Variants in MS4A10 observed in about 807,000 individuals in gnomAD.
MS4A10 encodes membrane-spanning 4-domains subfamily A member 10.
A neutral mutation model predicts 27.7 loss-of-function variants in MS4A10; 27 were observed. That is an observed-to-expected ratio of 0.98 (90% CI 0.72 to 1.35). MS4A10 has a LOEUF of 1.35. Among genes scored for constraint, MS4A10 ranks in the 40% most tolerant of loss-of-function variants. The probability of loss-of-function intolerance (pLI) is 0.00; values close to 1 mark genes in which losing one functional copy is unlikely to be tolerated. For synonymous variants in MS4A10, 139 were observed against 131.2 expected, an observed-to-expected ratio of 1.06 and a Z score of -0.41; for missense variants, 338 against 324.7, an observed-to-expected ratio of 1.04 and a Z score of -0.32.
rs1854605352 is a variant in MS4A10 at position 60,799,988 on chromosome 11, A to G, written c.*79A>G. ...CCAAAGTTGCACTTTCACTGGGAAG[A>G]TGAGATTTGCACATACAAAAGGCTA... On this transcript the variant is annotated 3_prime_UTR_variant, in exon 8 of 8. Transcript: ENST00000308287. 1 of 1,609,272 alleles carries G rather than the reference A, an allele frequency of 6.2e-7. No individual in the cohort carries two copies. Among genetic ancestry groups the G allele is most frequent in the East Asian group, 2.2e-5 (1 of 44,790 alleles).
intron 5 of MS4A10, among the ~76,000 whole-genome samples, chr11:60,794,882 A>G (rs1854498933): frequency 6.6e-6 from 1 of 152,008 alleles, no homozygotes; most frequent in Non-Finnish European, 1.5e-5. Flanking sequence ...ATGGGGTTTC[A>G]CCATGTCGGC....
chr11:60,796,161 C>T (rs1854527903), intron 6 of MS4A10, among the ~76,000 whole-genome samples: 1 of 151,446 alleles, frequency 6.6e-6, no homozygotes, highest in Non-Finnish European at 1.5e-5. Flanking sequence ...TAAGGAATTG[C>T]AGGGACTCTA....
At position 60,799,689 on chromosome 11, in the gene MS4A10, T is replaced by C. The variant is rs1319715482; in HGVS notation, c.723-139T>C. 4.7e-6 allele frequency: 3 copies of C among 641,038 alleles called. No individual in the cohort carries two copies. In the Admixed American group the frequency reaches 6.7e-5, roughly 14 times the overall value. 39.7% of individuals were successfully genotyped at this position (641,038 alleles called of 1,614,324 possible). ...ACCTGGATTCTCTTCCCCCAGGTAT[T>C]TGCAGAGCTCACTCTTTGAATCTTT... On this transcript the variant is annotated intron_variant, in intron 7 of 7. Transcript: ENST00000308287.
intron 6 of MS4A10, among the ~76,000 whole-genome samples, chr11:60,797,693 C>T (rs1003461708): frequency 6.6e-6 from 1 of 152,220 alleles, no homozygotes; most frequent in Non-Finnish European, 1.5e-5. Context: ...ACCTTAATTC[C>T]TCTCTGCCGT....
At chr11:60,787,399 C>T (rs781533666) in intron 1 of MS4A10, among the ~76,000 whole-genome samples, 5 of 152,152 alleles carry the variant, frequency 3.3e-5, no homozygotes, top group South Asian at 4.1e-4. Context: ...CTTGGAAAGG[C>T]GTACGAGAGA....
At position 60,786,779 on chromosome 11, in the gene MS4A10, A is replaced by G. The variant is rs1280999415; in HGVS notation, c.-23+1358A>G. 3.9e-5 allele frequency among the ~76,000 whole-genome samples: 6 copies of G among 152,120 alleles called. No homozygotes were observed. The East Asian group carries it at 1.2e-3, about 29-fold the overall frequency. On this transcript the variant is annotated intron_variant, in intron 1 of 7. Transcript: ENST00000308287. ...CAGGCCAGTGGCAACTGTGGCTGACATTTATTGCTATACGCCAGTCCCTGT... is the reference window on the plus strand; with the variant it reads ...CAGGCCAGTGGCAACTGTGGCTGACGTTTATTGCTATACGCCAGTCCCTGT...
Position 60,790,443 on chromosome 11 carries a change from G to T in MS4A10, c.108G>T (p.Thr36=), listed in dbSNP as rs142225777. Residue 36 remains threonine (T), a synonymous_variant, in exon 2 of 8, where the codon ACG becomes ACT. Transcript: ENST00000308287. The stretch of plus-strand genomic sequence containing the variant: ...GGCAGACAAGTGCACCCCAGAACAC[G>T]ACCCAGCCCAAGCTCCTGGCTCCAC... The part of the protein sequence containing the change: ...QPWQTSAPQN[T]TQPKLLAPHQ... 3.1e-6 allele frequency: 5 copies of T among 1,614,146 alleles called. No homozygotes were observed. The Admixed American group carries it at 6.7e-5, about 22-fold the overall frequency.
Position 60,798,452 on chromosome 11 carries a change from G to A in MS4A10, c.660G>A (p.Val220=). ...CATTGCATCTCAAAGGCCTGCCGGT[G>A]GAGCCCCCGCCATCCTACCAGAGTG... ...NTPLHLKGLP[V]EPPPSYQSVI... The change falls in exon 7 of 8, where the codon GTG becomes GTA. Residue 220 remains valine (V), a synonymous_variant. Coordinates refer to ENST00000308287, the MANE Select transcript of MS4A10 (RefSeq NM_206893.4). 1.2e-6 allele frequency: 2 copies of A among 1,614,150 alleles called. No homozygotes were observed. Among genetic ancestry groups the A allele is most frequent in the Non-Finnish European group, 1.7e-6 (2 of 1,180,004 alleles).
intron 4 of MS4A10, among the ~76,000 whole-genome samples, chr11:60,793,135 T>C (rs971913817): frequency 6.6e-6 from 1 of 152,082 alleles, no homozygotes; most frequent in African/African-American, 2.4e-5. Context: ...GGTCCTTCCC[T>C]ATTTGTGTCC....
intron 1 of MS4A10, among the ~76,000 whole-genome samples, chr11:60,789,108 A>C (rs1235652808): frequency 6.6e-6 from 1 of 152,120 alleles, no homozygotes; most frequent in African/African-American, 2.4e-5. Context: ...CAAACTTCCC[A>C]AAACTCTTTC....
At chr11:60,796,858 A>G (rs558534497) in intron 6 of MS4A10, among the ~76,000 whole-genome samples, 1 of 152,254 alleles carries the variant, frequency 6.6e-6, no homozygotes, top group Non-Finnish European at 1.5e-5. Flanking sequence ...AATAAATAAA[A>G]AATAAAGACC....
chr11:60,794,141 G>T (rs757683182), intron 5 of MS4A10, 38 bp downstream of exon 5: 51 of 1,612,038 alleles, frequency 3.2e-5, no homozygotes, highest in Non-Finnish European at 4.1e-5. Context: ...TGACTTCAGC[G>T]AAGGTGCTGC....
rs1383655525 is a variant in MS4A10, at chr11:60,795,609, T to C, written c.547T>C (p.Phe183Leu). ...GCTCTGCTTCACTGTCCTAGAGCTC[T>C]TCCTGCCAGTGCCCACAGCTGTCAC... ...ALLCFTVLELFLPVPTAVTAW... is the reference protein window; with the variant it reads ...ALLCFTVLELLLPVPTAVTAW... Residue 183 changes from phenylalanine (F) to leucine (L), a missense_variant, in exon 6 of 8, where the codon TTC becomes CTC. Coordinates refer to ENST00000308287, the MANE Select transcript of MS4A10 (RefSeq NM_206893.4). 7.5e-6 allele frequency: 12 copies of C among 1,595,796 alleles called. No individual in the cohort carries two copies. Among genetic ancestry groups the C allele is most frequent in the Non-Finnish European group, 1.0e-5 (12 of 1,170,772 alleles).
At chr11:60,799,590 C>T (rs966321882) in intron 7 of MS4A10, among the ~76,000 whole-genome samples, 2 of 152,154 alleles carry the variant, frequency 1.3e-5, no homozygotes, top group African/African-American at 4.8e-5. Context: ...CCCCAGCCAC[C>T]ATGGCTTCCT....
In MS4A10 at chr11:60,794,075, C is replaced by T. The variant is rs1204311002; in HGVS notation, c.464C>T (p.Pro155Leu). ...TTTCTGGAGAGCCCATTTGAGTCCC[C>T]GATCTGGAGAATGTACCCCAACTCC... ...DLFLESPFES[P>L]IWRMYPNSTV... Residue 155 changes from proline (P) to leucine (L), a missense_variant, in exon 5 of 8, where the codon CCG (proline) becomes CTG (leucine). Pro to Leu is a moderately conservative substitution (Grantham distance 98). Transcript: ENST00000308287. The T allele has an allele frequency of 1.1e-5, 18 of 1,614,048 alleles. No homozygotes were observed. Among genetic ancestry groups the T allele is most frequent in the African/African-American group, 4.0e-5 (3 of 74,940 alleles).
At position 60,789,836 on chromosome 11, in the gene MS4A10, G is replaced by A. The variant is rs149366209; in HGVS notation, c.-22-478G>A. 6.6e-3 allele frequency among the ~76,000 whole-genome samples: 1,004 copies of A among 152,268 alleles called. 8 individuals carry two copies. The highest frequency in any genetic ancestry group is 0.02 in the Middle Eastern group (6 of 294). On this transcript the variant is annotated intron_variant, in intron 1 of 7. Transcript: ENST00000308287. ...AGTGTTGGCTCATAAAAAGTCCTCG[G>A]TGGAAGATATTTTCTTCCCTTCTCT...
intron 1 of MS4A10, among the ~76,000 whole-genome samples, chr11:60,788,762 G>A (rs1174562494): frequency 6.6e-6 from 1 of 152,198 alleles, no homozygotes; most frequent in African/African-American, 2.4e-5. Context: ...CAGGACCATG[G>A]AGATATCAAT....
At chr11:60,794,217 T>C (rs952314850) in intron 5 of MS4A10, 114 bp downstream of exon 5, 3 of 1,291,710 alleles carry the variant, frequency 2.3e-6, no homozygotes, top group Non-Finnish European at 3.2e-6. Context: ...AGGTGTGGGC[T>C]GCTGGGCCCT....
In MS4A10 at chr11:60,800,832, C is replaced by T. The variant is rs1258475376; in HGVS notation, c.*923C>T. 3 of 139,528 alleles carry T rather than the reference C, an allele frequency of 2.2e-5. No individual in the cohort carries two copies. Among genetic ancestry groups the T allele is most frequent in the Non-Finnish European group, 4.5e-5 (3 of 66,098 alleles). 8.6% of individuals were successfully genotyped at this position (139,528 alleles called of 1,614,324 possible). A position where few individuals can be genotyped will look rare whatever the true frequency, so the allele number is the denominator to read the frequency against. On this transcript the variant is annotated 3_prime_UTR_variant, in exon 8 of 8. Coordinates refer to ENST00000308287, the MANE Select transcript of MS4A10 (RefSeq NM_206893.4). ...TTTTTGAGACGGAGTCTCACTCTGT[C>T]ACCCAGGCTGGAGTGCTGTGGTGCA...
Sources: gnomAD v4.1 joint callset for allele counts (sites outside exome capture counted in the v4.1 genomes callset) on GRCh38, gnomAD v4.1.1 for gene constraint, MANE v1.5 for transcripts, NCBI Gene and HGNC (gene_info 2026-07-23, HGNC 2026-07-21) for gene names.